The following ZNF705G variants were observed in gnomAD, a reference collection of about 807,000 sequenced individuals.
ZNF705G encodes putative zinc finger protein 705G.
ZNF705G carries 23 observed loss-of-function variants against 19.6 expected under a neutral mutation model. That is an observed-to-expected ratio of 1.17 (90% confidence interval 0.84 to 1.66). The LOEUF is 1.66. Ranked by LOEUF, ZNF705G falls within the 40% of genes most tolerant of loss-of-function variation. The probability of loss-of-function intolerance (pLI) is 0.00; values close to 1 mark genes in which losing one functional copy is unlikely to be tolerated. For synonymous variants in ZNF705G, 146 were observed against 117.7 expected (o/e 1.24, Z -1.56); for missense variants, 457 against 354.4 (o/e 1.29, Z -2.32).
chr8:7,385,461 C>G (rs1474701107), intron 1 of ZNF705G, 37 bp downstream of exon 1: 2 of 149,674 alleles, frequency 1.3e-5, no homozygotes, highest in Admixed American at 6.6e-5. Context: ...GCCTCCCACC[C>G]CTTATTTAAA....
At chr8:7,365,493 C>T (rs1052007729) in intron 2 of ZNF705G, among the ~76,000 whole-genome samples, 3 of 148,512 alleles carry the variant, frequency 2.0e-5, no homozygotes, top group African/African-American at 5.2e-5. Context: ...ATTCTCCAGC[C>T]TCAGCCTCCT....
At chr8:7,359,157 A>G (rs982199400) in intron 6 of ZNF705G, among the ~76,000 whole-genome samples, 4 of 149,486 alleles carry the variant, frequency 2.7e-5, no homozygotes, top group South Asian at 4.2e-4. Context: ...TTTCCCCTTT[A>G]AATTTGGAGC....
chr8:7,363,896 C>T (rs1432225509), intron 2 of ZNF705G, among the ~76,000 whole-genome samples: 1 of 149,412 alleles, frequency 6.7e-6, no homozygotes, highest in Non-Finnish European at 1.5e-5. Context: ...ACACTCCCAT[C>T]CTGCTAATAT....
At chr8:7,368,123 C>T (rs1806944432) in intron 2 of ZNF705G, among the ~76,000 whole-genome samples, 1 of 149,390 alleles carries the variant, frequency 6.7e-6, no homozygotes, top group South Asian at 2.1e-4. Context: ...ACCGAATCAC[C>T]ACTACATTCC....
At position 7,370,101 on chromosome 8, in the gene ZNF705G, GA is replaced by G. The variant is rs770116854; in HGVS notation, c.-71-7085del. On this transcript the variant is annotated intron_variant, in intron 2 of 6. Coordinates refer to ENST00000400156, the MANE Select transcript of ZNF705G (RefSeq NM_001164457.3). ...ACACCGTGAAACCCTGTCTCCACTGGAAAAAAAAAAATACAAAAAATTAGCT... is the reference window on the plus strand; with the variant it reads ...ACACCGTGAAACCCTGTCTCCACTGGAAAAAAAAAATACAAAAAATTAGCT... Among the ~76,000 whole-genome samples the G allele has an allele frequency of 3.2e-3, 453 of 143,574 alleles. 34 individuals carry two copies. The highest frequency in any genetic ancestry group is 9.3e-3 in the African/African-American group (337 of 36,148). 94.2% of individuals were successfully genotyped at this position (143,574 alleles called of 152,430 possible).
chr8:7,370,495 G>A (rs1291856696), intron 2 of ZNF705G, among the ~76,000 whole-genome samples: 1 of 149,136 alleles, frequency 6.7e-6, no homozygotes, highest in Non-Finnish European at 1.5e-5. Flanking sequence ...ACTTGTGGTG[G>A]AAATACAAAT....
At position 7,360,890 on chromosome 8, in the gene ZNF705G, T is replaced by C. The variant is rs746032895; in HGVS notation, c.139+220A>G. On this transcript the variant is annotated intron_variant, in intron 4 of 6. Transcript: ENST00000400156. The stretch of plus-strand genomic sequence containing the variant: ...TACCAAAGAAACCATGAAATCCTTG[T>C]CAAGACTACATTCTAATTGAGTGAC... Among the ~76,000 whole-genome samples, 466 of 149,396 alleles carry C rather than the reference T, an allele frequency of 3.1e-3. 2 individuals carry two copies. The highest frequency in any genetic ancestry group is 0.014 in the Middle Eastern group (4 of 292).
chr8:7,368,920 G>C (rs192657017), intron 2 of ZNF705G, among the ~76,000 whole-genome samples: 1 of 149,754 alleles, frequency 6.7e-6, no homozygotes, highest in East Asian at 1.9e-4. Flanking sequence ...CAAGGTACAG[G>C]AGTACACTGC....
chr8:7,362,797 G>A, intron 3 of ZNF705G, 138 bp downstream of exon 3: 1 of 1,573,828 alleles, frequency 6.4e-7, no homozygotes, highest in South Asian at 1.1e-5. Flanking sequence ...GGAACACCCA[G>A]GCAGGGTGGA....
Position 7,357,842 on chromosome 8 carries a change from T to C in ZNF705G, c.*134A>G, listed in dbSNP as rs1191757784. 13 of 1,351,386 alleles carry C rather than the reference T, an allele frequency of 9.6e-6. No individual in the cohort carries two copies. The highest frequency in any genetic ancestry group is 1.3e-5 in the Non-Finnish European group (13 of 1,011,178). 83.7% of individuals were successfully genotyped at this position (1,351,386 alleles called of 1,614,324 possible). Reference sequence around the variant, plus strand: ...AACACCGTGTCATCTAAAGTCAGAATATGTTCTGAAGAAGTTTATAATTTT... The same window carrying C: ...AACACCGTGTCATCTAAAGTCAGAACATGTTCTGAAGAAGTTTATAATTTT... On this transcript the variant is annotated 3_prime_UTR_variant, in exon 7 of 7. Transcript: ENST00000400156.
At position 7,359,780 on chromosome 8, in the gene ZNF705G, T is replaced by G. The variant is rs879544681; in HGVS notation, c.236-79A>C. 69 of 1,596,302 alleles carry G rather than the reference T, an allele frequency of 4.3e-5. 1 individual carries two copies. Among genetic ancestry groups the G allele is most frequent in the Non-Finnish European group, 5.4e-5 (63 of 1,173,606 alleles). ...TTGAAAAGCCCCAAAGCCCACGTACTTTTTTCAAAAATTGACACGTAGATG... is the reference window on the plus strand; with the variant it reads ...TTGAAAAGCCCCAAAGCCCACGTACGTTTTTCAAAAATTGACACGTAGATG... On this transcript the variant is annotated intron_variant, in intron 5 of 6. Coordinates refer to ENST00000400156, the MANE Select transcript of ZNF705G (RefSeq NM_001164457.3).
At chr8:7,365,238 T>A (rs1349466118) in intron 2 of ZNF705G, among the ~76,000 whole-genome samples, 1 of 149,548 alleles carries the variant, frequency 6.7e-6, no homozygotes, top group Non-Finnish European at 1.5e-5. Context: ...ATGTTATGGG[T>A]CTAAAATTTT....
chr8:7,367,775 T>C (rs1806924717), intron 2 of ZNF705G, among the ~76,000 whole-genome samples: 2 of 149,754 alleles, frequency 1.3e-5, no homozygotes, highest in East Asian at 1.9e-4. Context: ...TCAGTCTCTT[T>C]TTCCACTGTA....
intron 2 of ZNF705G, among the ~76,000 whole-genome samples, chr8:7,364,833 T>C (rs1453846017): frequency 6.7e-6 from 1 of 149,630 alleles, no homozygotes; most frequent in African/African-American, 2.6e-5. Flanking sequence ...TACCTGACAG[T>C]ACATGTATTA....
rs1272322186 is a variant in ZNF705G at position 7,358,015 on chromosome 8, T to C, written c.864A>G (p.Leu288=). 6.8e-6 allele frequency: 11 copies of C among 1,608,968 alleles called. 1 individual carries two copies. Among genetic ancestry groups the C allele is most frequent in the Middle Eastern group, 1.8e-4 (1 of 5,496 alleles). Residue 288 remains leucine, a synonymous_variant, in exon 7 of 7, where the codon CTA becomes CTG. Coordinates refer to ENST00000400156, the MANE Select transcript of ZNF705G (RefSeq NM_001164457.3). ...AAGACAGACTGAAGGCCTTCCCACA[T>C]AGAAGACAAGCATGTGGTTTCTCTC... ...HTGEKPHACL[L]CGKAFSLSSN...
intron 2 of ZNF705G, among the ~76,000 whole-genome samples, chr8:7,367,691 A>C (rs1806920540): frequency 6.7e-6 from 1 of 149,714 alleles, no homozygotes; most frequent in East Asian, 1.9e-4. Flanking sequence ...GGTCTCTTCC[A>C]AGAGAATTTT....
intron 6 of ZNF705G, among the ~76,000 whole-genome samples, chr8:7,359,411 G>C (rs1371410200): frequency 6.7e-6 from 1 of 149,644 alleles, no homozygotes; most frequent in South Asian, 2.1e-4. Context: ...CAATGTATAT[G>C]CACTTGTTCT....
intron 2 of ZNF705G, among the ~76,000 whole-genome samples, chr8:7,365,100 T>C (rs1806797331): frequency 6.7e-6 from 1 of 149,648 alleles, no homozygotes. Flanking sequence ...TATAAGAAAG[T>C]TAAAGCATAC....
chr8:7,383,045 AC>A (rs1476036245), intron 1 of ZNF705G, among the ~76,000 whole-genome samples: 1 of 148,246 alleles, frequency 6.7e-6, no homozygotes, highest in Admixed American at 6.6e-5. Flanking sequence ...TTGGAAAACC[AC>A]CCATTTTAGA....
Sources: allele counts gnomAD v4.1 joint callset (sites outside exome capture counted in the v4.1 genomes callset), GRCh38; gene constraint gnomAD v4.1.1; transcripts MANE v1.5; gene names NCBI Gene and HGNC (gene_info 2026-07-23, HGNC 2026-07-21).